Variants in MDN1 observed in about 807,000 individuals in gnomAD.
MDN1 encodes midasin.
In MDN1, 266 loss-of-function variants were observed where a neutral mutation model predicts 669.2. The observed-to-expected ratio is 0.40, with a 90% CI of 0.36 to 0.44. The LOEUF (loss-of-function observed/expected upper bound fraction) is 0.44. Among genes scored for constraint, MDN1 ranks in the 20% least tolerant of loss-of-function variants. MDN1 has a pLI of 1.00. For missense variants in MDN1, 5,940 were observed against 6,754.0 expected, an observed-to-expected ratio of 0.88 and a Z score of 4.22; for synonymous variants, 2,385 against 2,457.1, an observed-to-expected ratio of 0.97 and a Z score of 0.87.
chr6:89,730,290 C>T (rs987305269), intron 35 of MDN1, among the ~76,000 whole-genome samples: 2 of 152,004 alleles, frequency 1.3e-5, no homozygotes, highest in African/African-American at 2.4e-5. Context: ...TGCCAGGGAC[C>T]GGATCAGGAA....
At position 89,714,653 on chromosome 6, in the gene MDN1, G is replaced by A. The variant is rs1814201816; in HGVS notation, c.6959C>T (p.Thr2320Ile). 1 of 1,613,928 alleles carries A rather than the reference G, an allele frequency of 6.2e-7. No individual in the cohort carries two copies. Among genetic ancestry groups the A allele is most frequent in the Admixed American group, 1.7e-5 (1 of 60,008 alleles). ...IYISGEGDAS[T>I]PDNLDLKVLL... The stretch of plus-strand genomic sequence containing the variant: ...AACTTTCAAATCCAGGTTGTCTGGG[G>A]TGCTTGCATCCCCTTCCCCTGAAAT... The change falls in exon 46 of 102, where the codon ACC (threonine) becomes ATC (isoleucine). Residue 2320 changes from threonine to isoleucine, a missense_variant. Thr to Ile is a moderately conservative substitution (Grantham distance 89). Transcript: ENST00000369393.
intron 2 of MDN1, among the ~76,000 whole-genome samples, chr6:89,796,989 A>G (rs929869957): frequency 2.6e-5 from 4 of 151,980 alleles, no homozygotes; most frequent in African/African-American, 9.7e-5. Context: ...AATCGCTTGA[A>G]CCTGGGAGGC....
chr6:89,694,367 C>T (rs1397296207), intron 61 of MDN1, among the ~76,000 whole-genome samples, 184 bp from the exon 62 acceptor site: 10 of 152,166 alleles, frequency 6.6e-5, no homozygotes, highest in Admixed American at 6.5e-5. Flanking sequence ...GGGAAAGAAA[C>T]GATCTTATTT....
chr6:89,722,788 G>A (rs1814927575), intron 40 of MDN1, among the ~76,000 whole-genome samples, 167 bp downstream of exon 40: 1 of 149,132 alleles, frequency 6.7e-6, no homozygotes, highest in Non-Finnish European at 1.5e-5. Flanking sequence ...TGAAGCTGCA[G>A]CAAGCCAAGA....
intron 35 of MDN1, among the ~76,000 whole-genome samples, chr6:89,730,489 A>G (rs1341339949): frequency 6.6e-6 from 1 of 152,256 alleles, no homozygotes; most frequent in Non-Finnish European, 1.5e-5. Context: ...TAATAAAAAA[A>G]TAAGCACTGT....
rs141393963 is a variant in MDN1 at position 89,712,046 on chromosome 6, C to T, written c.7641G>A (p.Pro2547=). Residue 2547 remains proline, a synonymous_variant, in exon 49 of 102, where the codon CCG becomes CCA. Transcript: ENST00000369393. ...AGCTGTTCTACTCACCAAGCCCCTG[C>T]GGTATATTCTTGGCTAAATGATAAA... ...KWLYHLAKNI[P]QGLESIQIHL... is the part of the protein sequence containing the mutation. The T allele has an allele frequency of 1.4e-5, 22 of 1,613,260 alleles. No individual in the cohort carries two copies. The highest frequency in any genetic ancestry group is 1.7e-5 in the Non-Finnish European group (20 of 1,179,532).
intron 21 of MDN1, 87 bp from the exon 22 acceptor site, chr6:89,753,709 G>A (rs559899667): frequency 2.3e-5 from 24 of 1,065,550 alleles, no homozygotes; most frequent in Admixed American, 1.1e-4. Context: ...TTAACCTCTT[G>A]GGTGATGCTG....
chr6:89,663,032 AGG>A, intron 85 of MDN1, 65 bp from the exon 86 acceptor site: 2 of 1,584,358 alleles, frequency 1.3e-6, no homozygotes, highest in Non-Finnish European at 1.7e-6. Flanking sequence ...TATTTAAGAG[AGG>A]TGTGGACCCG....
At chr6:89,751,616 A>C (rs771226280) in intron 22 of MDN1, 34 bp from the exon 23 acceptor site, 1 of 1,596,760 alleles carries the variant, frequency 6.3e-7, no homozygotes, top group South Asian at 1.1e-5. Flanking sequence ...AATAACCCAC[A>C]GTTGTACATT....
chr6:89,795,872 T>C (rs1819565788), intron 2 of MDN1, among the ~76,000 whole-genome samples: 1 of 151,960 alleles, frequency 6.6e-6, no homozygotes, highest in Non-Finnish European at 1.5e-5. Flanking sequence ...GGAGAATCGC[T>C]TGAACCCGGG....
intron 69 of MDN1, 43 bp from the exon 70 acceptor site, chr6:89,686,016 A>T (rs765806463): frequency 2.5e-6 from 4 of 1,584,954 alleles, no homozygotes; most frequent in Non-Finnish European, 3.4e-6. Context: ...TCCTTCGACC[A>T]TGACTCCCTA....
chr6:89,656,608 A>C, intron 91 of MDN1, 92 bp downstream of exon 91: 1 of 850,000 alleles, frequency 1.2e-6, no homozygotes, highest in Non-Finnish European at 1.8e-6. Context: ...CCAGGAGTAT[A>C]GCTTTTTTTT....
intron 35 of MDN1, among the ~76,000 whole-genome samples, chr6:89,730,149 TTAGA>T (rs1227426782): frequency 6.6e-6 from 1 of 152,146 alleles, no homozygotes; most frequent in Non-Finnish European, 1.5e-5. Flanking sequence ...GACAATCTAG[TTAGA>T]TAGAAAGAGA....
chr6:89,814,384 C>CTT (rs35652654), intron 1 of MDN1, among the ~76,000 whole-genome samples: 9,351 of 137,872 alleles, frequency 0.068, 394 homozygotes, highest in Non-Finnish European at 0.085. Context: ...AATCCCCCTC[C>CTT]TTTTTTTTTT....
At chr6:89,811,061 C>T (rs530858138) in intron 1 of MDN1, among the ~76,000 whole-genome samples, 1 of 152,328 alleles carries the variant, frequency 6.6e-6, no homozygotes, top group South Asian at 2.1e-4. Context: ...AATAGGGTCA[C>T]ATTCAGGTAT....
At chr6:89,766,647 C>A (rs1210173725) in intron 15 of MDN1, among the ~76,000 whole-genome samples, 1 of 152,124 alleles carries the variant, frequency 6.6e-6, no homozygotes, top group African/African-American at 2.4e-5. Context: ...TACACTGGAA[C>A]CACATGTAAG....
At chr6:89,796,357 A>G (rs1198588313) in intron 2 of MDN1, among the ~76,000 whole-genome samples, 1 of 150,938 alleles carries the variant, frequency 6.6e-6, no homozygotes, top group Non-Finnish European at 1.5e-5. Context: ...AAAACAAAAA[A>G]AAAAACCAAA....
intron 49 of MDN1, 48 bp downstream of exon 49, chr6:89,711,988 A>G (rs745562986): frequency 2.7e-6 from 4 of 1,475,214 alleles, no homozygotes; most frequent in Non-Finnish European, 3.7e-6. Context: ...TAAATAGCAT[A>G]AGTGTATATA....
intron 74 of MDN1, 111 bp downstream of exon 74, chr6:89,680,478 T>G: frequency 7.6e-7 from 1 of 1,314,342 alleles, no homozygotes; most frequent in Non-Finnish European, 1.0e-6. Flanking sequence ...CAATCAACTG[T>G]TCAACACTAC....
Sources: gnomAD v4.1 joint callset for allele counts (sites outside exome capture counted in the v4.1 genomes callset) on GRCh38, gnomAD v4.1.1 for gene constraint, MANE v1.5 for transcripts, NCBI Gene and HGNC (gene_info 2026-07-23, HGNC 2026-07-21) for gene names.